The following SGCD variants were observed in gnomAD, a reference collection of about 807,000 sequenced individuals.
SGCD encodes sarcoglycan delta.
In SGCD, 18 loss-of-function variants were observed where a neutral mutation model predicts 36.6. The ratio of observed to expected loss-of-function variants is 0.49; its 90% confidence interval spans 0.34 to 0.73. SGCD has a LOEUF of 0.73. SGCD is among the 30% of genes least tolerant of loss of function. The probability of loss-of-function intolerance (pLI) is 0.01; values close to 1 mark genes in which losing one functional copy is unlikely to be tolerated. For missense variants in SGCD, 387 were observed against 346.7 expected (o/e 1.12, Z -0.92); for synonymous variants, 133 against 130.6 (o/e 1.02, Z -0.12).
the SGCD span, among the ~76,000 whole-genome samples, chr5:155,728,415 AGCCGGCGAAGCACCGGCGG>A: frequency 6.6e-6 from 1 of 152,142 alleles, no homozygotes; most frequent in Non-Finnish European, 1.5e-5. Context: ...GAGCCTGGCG[AGCCGGCGAAGCACCGGCGG>A]GGAGGAGGAC....
At position 156,111,676 on chromosome 5, in the gene SGCD, G is replaced by A. The variant is rs537011400; in HGVS notation, c.-281-6202G>A. On this transcript the variant is annotated intron_variant, in intron 1 of 9. Coordinates refer to the SGCD transcript ENST00000517913. ...CATGTGAAAGAACTGAGAAAGAAAA[G>A]CAGTCACAATTAATCCTTTACCATG... 4.0e-3 allele frequency among the ~76,000 whole-genome samples: 601 copies of A among 151,604 alleles called. 4 individuals are homozygous for A. The highest frequency in any genetic ancestry group is 0.014 in the African/African-American group (585 of 41,156).
chr5:156,642,481 T>G (rs1763066677), intron 6 of SGCD, among the ~76,000 whole-genome samples: 1 of 147,470 alleles, frequency 6.8e-6, no homozygotes, highest in African/African-American at 2.5e-5. Flanking sequence ...TTTTTTTTTT[T>G]TTTTCCAAGA....
chr5:156,278,919 C>A (rs1461973791), intron 3 of SGCD, among the ~76,000 whole-genome samples: 2 of 152,060 alleles, frequency 1.3e-5, no homozygotes, highest in African/African-American at 4.8e-5. Context: ...TAAATTAGAT[C>A]AGTGGTTTTC....
chr5:156,233,865 A>T (rs1765085349), intron 3 of SGCD, among the ~76,000 whole-genome samples: 1 of 152,150 alleles, frequency 6.6e-6, no homozygotes, highest in South Asian at 2.1e-4. Flanking sequence ...AGCATGGGGA[A>T]CAGAGTGAGA....
intron 3 of SGCD, among the ~76,000 whole-genome samples, chr5:156,280,103 T>C (rs1382137730): frequency 6.6e-6 from 1 of 152,176 alleles, no homozygotes; most frequent in Non-Finnish European, 1.5e-5. Context: ...AAATAAGATG[T>C]TGCATTGACC....
At chr5:156,239,956 G>C (rs1023480607) in intron 3 of SGCD, among the ~76,000 whole-genome samples, 14 of 152,154 alleles carry the variant, frequency 9.2e-5, no homozygotes, top group African/African-American at 3.4e-4. Context: ...AATTCACCTA[G>C]ATCAGTGATT....
intron 1 of SGCD, among the ~76,000 whole-genome samples, chr5:156,099,234 T>G (rs1012739793): frequency 4.6e-5 from 7 of 152,226 alleles, no homozygotes; most frequent in Non-Finnish European, 5.9e-5. Flanking sequence ...TTTCTGGAGT[T>G]AATGGTTGTG....
intron 6 of SGCD, among the ~76,000 whole-genome samples, chr5:156,631,393 A>G (rs911446075): frequency 2.0e-5 from 3 of 152,062 alleles, no homozygotes; most frequent in East Asian, 1.9e-4. Flanking sequence ...ACAAAGCAGC[A>G]CAAGATACAC....
At chr5:155,846,176 A>AACCTT in the SGCD span, among the ~76,000 whole-genome samples, 1 of 152,170 alleles carries the variant, frequency 6.6e-6, no homozygotes, top group East Asian at 1.9e-4. Context: ...AACTTGAGGA[A>AACCTT]ACCTTAGCGT....
chr5:156,489,837 C>T (rs1308456922), intron 3 of SGCD, among the ~76,000 whole-genome samples: 2 of 151,454 alleles, frequency 1.3e-5, no homozygotes, highest in Non-Finnish European at 3.0e-5. Flanking sequence ...AAACCAATCC[C>T]AAAATTAGTA....
chr5:156,600,322 C>T (rs1761139768), intron 6 of SGCD, among the ~76,000 whole-genome samples: 1 of 152,108 alleles, frequency 6.6e-6, no homozygotes. Flanking sequence ...TCCTCCATCC[C>T]CTCCCAATTT....
intron 4 of SGCD, among the ~76,000 whole-genome samples, chr5:156,576,392 C>T (rs1340060406): frequency 6.6e-6 from 1 of 152,092 alleles, no homozygotes; most frequent in Admixed American, 6.5e-5. Context: ...CATACATGTG[C>T]GTGTGTCTTT....
chr5:156,107,082 T>A (rs1228238942), intron 1 of SGCD, among the ~76,000 whole-genome samples: 1 of 152,184 alleles, frequency 6.6e-6, no homozygotes, highest in African/African-American at 2.4e-5. Flanking sequence ...GAATGTGATA[T>A]ACAGTCACTC....
chr5:156,043,504 A>G (rs1195437637), intron 1 of SGCD, among the ~76,000 whole-genome samples: 1 of 152,142 alleles, frequency 6.6e-6, no homozygotes, highest in Non-Finnish European at 1.5e-5. Flanking sequence ...CAGCACTGGG[A>G]AAGTGGGGGC....
intron 3 of SGCD, among the ~76,000 whole-genome samples, chr5:156,467,952 A>G (rs1238314575): frequency 6.6e-6 from 1 of 152,252 alleles, no homozygotes; most frequent in Non-Finnish European, 1.5e-5. Flanking sequence ...GGGAAGGATC[A>G]TAGCCTGTAG....
At position 156,001,134 on chromosome 5, in the gene SGCD, C is replaced by A. The variant is rs533357189; in HGVS notation, c.-281-116744C>A. Among the ~76,000 whole-genome samples the A allele has an allele frequency of 2.6e-5, 4 of 152,306 alleles. No individual in the cohort carries two copies. The South Asian group carries it at 8.3e-4, about 32-fold the overall frequency. ...TGCTTGGTCTTTACACCATTCCCATCTCATCATCTTGTTTCTGGATGTGGG... is the reference window on the plus strand; with the variant it reads ...TGCTTGGTCTTTACACCATTCCCATATCATCATCTTGTTTCTGGATGTGGG... On this transcript the variant is annotated intron_variant, in intron 1 of 9. Transcript: ENST00000517913.
rs75989127 is a variant in SGCD, at chr5:156,389,097, G to C, written c.192+44420G>C. On this transcript the variant is annotated intron_variant, in intron 3 of 8. Coordinates refer to ENST00000337851, the MANE Select transcript of SGCD (RefSeq NM_000337.6). ...GTATACATGCTCAAATATTTGAATA[G>C]GCACAGGTTTTTGAAGCTTCCCCTC... 2.7e-3 allele frequency among the ~76,000 whole-genome samples: 417 copies of C among 152,274 alleles called. 2 individuals carry two copies. Among genetic ancestry groups the C allele is most frequent in the African/African-American group, 9.4e-3 (391 of 41,544 alleles).
At chr5:156,099,871 T>A (rs981340936) in intron 1 of SGCD, among the ~76,000 whole-genome samples, 1 of 152,120 alleles carries the variant, frequency 6.6e-6, no homozygotes, top group Non-Finnish European at 1.5e-5. Context: ...AACAGATAGC[T>A]AATATACCCA....
At chr5:156,678,337 A>G (rs1753593375) in intron 7 of SGCD, among the ~76,000 whole-genome samples, 1 of 152,202 alleles carries the variant, frequency 6.6e-6, no homozygotes, top group Non-Finnish European at 1.5e-5. Context: ...TGAGTGAACA[A>G]AGAAACCAAT....
Sources: gnomAD v4.1 joint callset for allele counts (sites outside exome capture counted in the v4.1 genomes callset) on GRCh38, gnomAD v4.1.1 for gene constraint, MANE v1.5 for transcripts, NCBI Gene and HGNC (gene_info 2026-07-23, HGNC 2026-07-21) for gene names.